The following ZNF81 variants were observed in gnomAD, a reference collection of about 807,000 sequenced individuals.
ZNF81 encodes the protein zinc finger protein 81 (HFZ20).
In ZNF81, 5 loss-of-function variants were observed where a neutral mutation model predicts 32.3. The ratio of observed to expected loss-of-function variants is 0.15; its 90% confidence interval spans 0.08 to 0.33. The LOEUF (loss-of-function observed/expected upper bound fraction) is 0.33, where lower values mean the gene tolerates loss of function less well. Ranked by LOEUF, ZNF81 falls within the 10% of genes least tolerant of loss-of-function variation. ZNF81 has a pLI of 1.00. For synonymous variants in ZNF81, 163 were observed against 166.8 expected, an observed-to-expected ratio of 0.98 and a Z score of 0.17; for missense variants, 379 against 479.8, an observed-to-expected ratio of 0.79 and a Z score of 1.96.
At chrX:47,909,560 C>T (rs1474426701) in intron 4 of ZNF81, among the ~76,000 whole-genome samples, 4 of 104,591 alleles carry the variant, frequency 3.8e-5, no homozygotes, top group African/African-American at 1.4e-4. Context: ...ATTGTTTTGA[C>T]GTATGTTCCT....
At chrX:47,861,252 G>A (rs1484323638) in intron 2 of ZNF81, among the ~76,000 whole-genome samples, 1 of 111,657 alleles carries the variant, frequency 9.0e-6, no homozygotes, top group Non-Finnish European at 1.9e-5. Context: ...CAGTATTAAA[G>A]TATGGAACAC....
At chrX:47,850,046 T>C (rs1288071041) in intron 2 of ZNF81, among the ~76,000 whole-genome samples, 1 of 111,904 alleles carries the variant, frequency 8.9e-6, no homozygotes, top group Non-Finnish European at 1.9e-5. Context: ...TGACACAATC[T>C]CTGGGGACCT....
chrX:47,900,184 A>G (rs5906516), intron 4 of ZNF81, among the ~76,000 whole-genome samples: 36,827 of 110,647 alleles, frequency 0.33, 4,906 homozygotes, highest in Non-Finnish European at 0.42. Flanking sequence ...GAGGATTGAC[A>G]CTACCAAATG....
chrX:47,864,086 AGAAAAT>A, intron 2 of ZNF81, among the ~76,000 whole-genome samples: 1 of 112,053 alleles, frequency 8.9e-6, no homozygotes, highest in Non-Finnish European at 1.9e-5. Flanking sequence ...AGAAGCTGAA[AGAAAAT>A]GATCCCTTTC....
intron 2 of ZNF81, among the ~76,000 whole-genome samples, chrX:47,850,935 A>ACC (rs1556881156): frequency 2.6e-5 from 1 of 37,878 alleles, no homozygotes; most frequent in African/African-American, 6.0e-5. Context: ...ACACACACAC[A>ACC]ACCCAACACC....
intron 4 of ZNF81, among the ~76,000 whole-genome samples, chrX:47,909,649 G>T (rs1174216324): frequency 9.5e-6 from 1 of 104,818 alleles, no homozygotes; most frequent in Non-Finnish European, 2.0e-5. Flanking sequence ...GGGTACATGT[G>T]CACAATATGC....
At chrX:47,848,353 C>T (rs1227981660) in intron 2 of ZNF81, among the ~76,000 whole-genome samples, 2 of 111,947 alleles carry the variant, frequency 1.8e-5, no homozygotes, top group Non-Finnish European at 3.8e-5. Context: ...AAATTATTTG[C>T]TTTACTGATT....
chrX:47,869,648 A>G (rs2058572768), intron 2 of ZNF81, among the ~76,000 whole-genome samples: 1 of 110,372 alleles, frequency 9.1e-6, no homozygotes, highest in Admixed American at 9.6e-5. Context: ...CAAGGAAAGC[A>G]TGGATCCAAC....
At chrX:47,863,308 C>T (rs185592895) in intron 2 of ZNF81, among the ~76,000 whole-genome samples, 2 of 111,980 alleles carry the variant, frequency 1.8e-5, no homozygotes, top group East Asian at 5.6e-4. Flanking sequence ...CATTGTCAGT[C>T]TAGATTTGAT....
intron 2 of ZNF81, among the ~76,000 whole-genome samples, chrX:47,848,979 C>A (rs2058482642): frequency 8.9e-6 from 1 of 111,897 alleles, no homozygotes; most frequent in Non-Finnish European, 1.9e-5. Flanking sequence ...ATAACAGCAG[C>A]TGAGAACACA....
chrX:47,898,443 T>C (rs2058687256), intron 4 of ZNF81, among the ~76,000 whole-genome samples: 1 of 112,112 alleles, frequency 8.9e-6, no homozygotes, highest in African/African-American at 3.2e-5. Context: ...TAATACGTTA[T>C]CCTTTTAGCA....
intron 2 of ZNF81, among the ~76,000 whole-genome samples, chrX:47,867,520 T>G (rs1415152494): frequency 3.6e-5 from 4 of 112,026 alleles, no homozygotes; most frequent in Non-Finnish European, 7.5e-5. Flanking sequence ...TTTCTACCTT[T>G]CTTTGGGCAG....
Position 47,917,876 on chromosome X carries a change from A to T in ZNF81, c.*1244A>T, listed in dbSNP as rs932480148. The T allele has an allele frequency of 9.0e-6, 1 of 111,394 alleles. No individual in the cohort carries two copies. The highest frequency in any genetic ancestry group is 3.3e-5 in the African/African-American group (1 of 30,640). The allele number at this position is 111,394 out of a possible 1,213,427, so 9.2% of individuals were successfully genotyped here. ...GGGGCATAGTGGACCAAAACGTGAC[A>T]AGTGGCATTGGCTTTGGGTCTGAGT... is the stretch of plus-strand genomic sequence containing the variant. On this transcript the variant is annotated 3_prime_UTR_variant, in exon 5 of 5. Transcript: ENST00000338637.
chrX:47,898,938 A>G (rs1352263690), intron 4 of ZNF81, among the ~76,000 whole-genome samples: 3 of 111,691 alleles, frequency 2.7e-5, no homozygotes, highest in Non-Finnish European at 5.6e-5. Context: ...CTAGTGATTG[A>G]TTTTTGTGCA....
intron 1 of ZNF81, among the ~76,000 whole-genome samples, chrX:47,842,419 T>C (rs964057651): frequency 9.0e-6 from 1 of 111,225 alleles, no homozygotes; most frequent in East Asian, 2.8e-4. Context: ...TTCTGAGTTG[T>C]AAGTTTCTGC....
At chrX:47,899,579 T>C (rs2058691736) in intron 4 of ZNF81, among the ~76,000 whole-genome samples, 1 of 111,047 alleles carries the variant, frequency 9.0e-6, no homozygotes, top group Non-Finnish European at 1.9e-5. Context: ...GTCTTTGTCA[T>C]GTTTTGATAT....
intron 2 of ZNF81, among the ~76,000 whole-genome samples, chrX:47,875,737 A>C (rs781998189): frequency 3.6e-5 from 4 of 112,366 alleles, no homozygotes; most frequent in Non-Finnish European, 7.5e-5. Flanking sequence ...TCCTGACTAC[A>C]AATGTAGGGA....
chrX:47,914,815 A>G (rs2058750457), intron 4 of ZNF81, 109 bp from the exon 5 acceptor site: 1 of 754,168 alleles, frequency 1.3e-6, no homozygotes, highest in South Asian at 2.6e-5. Flanking sequence ...CATTGTCATC[A>G]TGAGATTTAC....
Position 47,923,016 on chromosome X carries a change from G to A in ZNF81, c.*6384G>A, listed in dbSNP as rs1387812274. On this transcript the variant is annotated 3_prime_UTR_variant, in exon 5 of 5. Transcript: ENST00000338637. Reference sequence around the variant, plus strand: ...TTATAAGGACACTAGTTATATTGGAGTGGGGTTCACTTTAATGGCCCCATT... The same window carrying A: ...TTATAAGGACACTAGTTATATTGGAATGGGGTTCACTTTAATGGCCCCATT... Among the ~76,000 whole-genome samples, 3 of 111,773 alleles carry A rather than the reference G, an allele frequency of 2.7e-5. No individual in the cohort carries two copies. The highest frequency in any genetic ancestry group is 5.6e-5 in the Non-Finnish European group (3 of 53,158).
Sources: gnomAD v4.1 joint callset for allele counts (sites outside exome capture counted in the v4.1 genomes callset) on GRCh38, gnomAD v4.1.1 for gene constraint, MANE v1.5 for transcripts, NCBI Gene and HGNC (gene_info 2026-07-23, HGNC 2026-07-21) for gene names.